The following SPTAN1 variants were observed in gnomAD, a reference collection of about 807,000 sequenced individuals.
SPTAN1 encodes the protein spectrin alpha chain, non-erythrocytic 1.
SPTAN1 carries 61 observed loss-of-function variants against 331.3 expected under a neutral mutation model. The observed-to-expected ratio is 0.18, with a 90% CI of 0.15 to 0.23. The LOEUF (loss-of-function observed/expected upper bound fraction) is 0.23, where lower values mean the gene tolerates loss of function less well. Ranked by LOEUF, SPTAN1 falls within the 10% of genes least tolerant of loss-of-function variation. SPTAN1 has a pLI of 1.00. For synonymous variants in SPTAN1, 1,153 were observed against 1,173.9 expected (o/e 0.98, Z 0.36); for missense variants, 2,043 against 3,147.9 (o/e 0.65, Z 8.40).
Position 128,583,936 on chromosome 9 carries a change from T to C in SPTAN1, c.2160T>C (p.His720=). The C allele has an allele frequency of 6.2e-7, 1 of 1,614,150 alleles. No individual in the cohort carries two copies. The highest frequency in any genetic ancestry group is 8.5e-7 in the Non-Finnish European group (1 of 1,180,018). ...LTNVQNLQKK[H]ALLEADVAAH... Reference sequence around the variant, plus strand: ...ATGTGCAGAACCTCCAGAAGAAACATGCACTGCTAGAGGCAGATGTGGCTG... The same window carrying C: ...ATGTGCAGAACCTCCAGAAGAAACACGCACTGCTAGAGGCAGATGTGGCTG... The change falls in exon 16 of 57, where the codon CAT becomes CAC. Residue 720 remains histidine (H), a synonymous_variant. Coordinates refer to ENST00000372739, the MANE Select transcript of SPTAN1 (RefSeq NM_001130438.3).
rs546248042 is a variant in SPTAN1 at position 128,626,322 on chromosome 9, C to T, written c.6280-69C>T. The T allele has an allele frequency of 2.9e-5, 46 of 1,586,436 alleles. No individual in the cohort carries two copies. In the African/African-American group the frequency reaches 4.8e-4, roughly 17 times the overall value. On this transcript the variant is annotated intron_variant, in intron 48 of 56. Transcript: ENST00000372739. ...TGATTCCCAGGAACCACCCCGCACC[C>T]CACCTCCTGCACTGCGTCGGCACGT...
In SPTAN1 at chr9:128,601,871, T is replaced by A. The variant is rs576136459; in HGVS notation, c.3580-1672T>A. On this transcript the variant is annotated intron_variant, in intron 27 of 56. Transcript: ENST00000372739. The stretch of plus-strand genomic sequence containing the variant: ...TGACTATTCTCCTCATTAAGTAGAT[T>A]TCTAACTGGGCCAGGCATGGGTATA... Among the ~76,000 whole-genome samples the A allele has an allele frequency of 4.6e-5, 7 of 152,270 alleles. No individual in the cohort carries two copies. In the South Asian group the frequency reaches 1.5e-3, roughly 32 times the overall value.
intron 1 of SPTAN1, among the ~76,000 whole-genome samples, chr9:128,564,845 T>G (rs1265252028): frequency 1.3e-5 from 2 of 152,150 alleles, no homozygotes; most frequent in East Asian, 3.9e-4. Context: ...AAAGGAAGCA[T>G]GTGCACATGG....
In SPTAN1 at chr9:128,617,664, A is replaced by G. The variant is rs1359210582; in HGVS notation, c.5382A>G (p.Ser1794=). 6.2e-7 allele frequency: 1 copy of G among 1,614,180 alleles called. No homozygotes were observed. Among genetic ancestry groups the G allele is most frequent in the Non-Finnish European group, 8.5e-7 (1 of 1,180,012 alleles). ...WIKEKKLLVG[S]EDYGRDLTGV... ...GGGAGAAGAAGCTGCTGGTGGGCTC[A>G]GAGGACTACGGCCGGGACCTAACCG... The change falls in exon 42 of 57, where the codon TCA becomes TCG. Residue 1794 remains serine, a synonymous_variant. Coordinates refer to ENST00000372739, the MANE Select transcript of SPTAN1 (RefSeq NM_001130438.3).
In SPTAN1 at chr9:128,617,555, G is replaced by T. The variant is rs1005222396; in HGVS notation, c.5358-85G>T. On this transcript the variant is annotated intron_variant, in intron 41 of 56. Transcript: ENST00000372739. ...TTCCCAGAAAGATTAGTAGATGTCT[G>T]TGAGGTCCACAGTTGACCTGATGTC... 2.8e-5 allele frequency: 44 copies of T among 1,596,372 alleles called. No homozygotes were observed. In the South Asian group the frequency reaches 4.3e-4, roughly 16 times the overall value.
rs372157740 is a variant in SPTAN1 at position 128,578,117 on chromosome 9, C to T, written c.1093C>T (p.Arg365Cys). 3.7e-6 allele frequency: 6 copies of T among 1,614,176 alleles called. No individual in the cohort carries two copies. Among genetic ancestry groups the T allele is most frequent in the East Asian group, 2.2e-5 (1 of 44,882 alleles). The change falls in exon 9 of 57, where the codon CGC becomes TGC. Residue 365 changes from arginine (R) to cysteine (C), a missense_variant. Arg to Cys is a radical substitution (Grantham distance 180, BLOSUM62 -3). This residue lies in a region of SPTAN1 where 1,038 missense variants were observed against 1,531.5 expected (regional missense o/e 0.68). Coordinates refer to ENST00000372739, the MANE Select transcript of SPTAN1 (RefSeq NM_001130438.3). ...ARLNDSYRLQ[R>C]FLADFRDLTS... ...TCCTTTGGTTTTCCCTAGGCTTCAA[C>T]GCTTCCTTGCTGACTTCCGTGACCT...
At position 128,632,931 on chromosome 9, in the gene SPTAN1, C is replaced by T. The variant is rs201348505; in HGVS notation, c.7284C>T (p.Tyr2428=). 9.6e-5 allele frequency: 155 copies of T among 1,613,152 alleles called. No individual in the cohort carries two copies. The highest frequency in any genetic ancestry group is 8.3e-5 in the Admixed American group (5 of 60,022). The change falls in exon 56 of 57, where the codon TAC becomes TAT. Residue 2428 remains tyrosine, a synonymous_variant. Transcript: ENST00000372739. ...CCCTCAGCTCAGAGGGAAAGCCTTA[C>T]GTGACCAAGGAGGAGCTCTACCAGG... The part of the protein sequence containing the change: ...FRALSSEGKP[Y]VTKEELYQNL...
intron 39 of SPTAN1, 25 bp downstream of exon 39, chr9:128,612,271 T>C (rs755941670): frequency 1.2e-6 from 2 of 1,614,114 alleles, no homozygotes; most frequent in Admixed American, 3.3e-5. Context: ...TTCCTCTTCC[T>C]ACCAGTGGGG....
chr9:128,574,904 C>A, intron 4 of SPTAN1, 89 bp downstream of exon 4: 1 of 1,582,114 alleles, frequency 6.3e-7, no homozygotes, highest in Non-Finnish European at 8.7e-7. Context: ...CCAGTGTTAG[C>A]ACAGATACGG....
At chr9:128,623,598 G>T (rs933122778) in intron 45 of SPTAN1, among the ~76,000 whole-genome samples, 3 of 148,990 alleles carry the variant, frequency 2.0e-5, no homozygotes, top group Admixed American at 6.7e-5. Flanking sequence ...TGGGATTACA[G>T]ATGAGTGCCA....
In SPTAN1 at chr9:128,626,478, G is replaced by A; in HGVS notation, c.6367G>A (p.Val2123Met). 2 of 1,614,150 alleles carry A rather than the reference G, an allele frequency of 1.2e-6. No individual in the cohort carries two copies. Among genetic ancestry groups the A allele is most frequent in the Non-Finnish European group, 1.7e-6 (2 of 1,180,032 alleles). ...TGCAGAGGAGGACTTAACAGACCCC[G>A]TGCGCTGCAACTCCTTGGAAGAAAT... The part of the protein sequence containing the change: ...ENAEEDLTDP[V>M]RCNSLEEIKA... The change falls in exon 49 of 57, where the codon GTG (valine) becomes ATG (methionine). Residue 2123 changes from valine (V) to methionine (M), a missense_variant. Transcript: ENST00000372739.
At chr9:128,561,662 CA>C (rs762156669) in intron 1 of SPTAN1, among the ~76,000 whole-genome samples, 217 of 15,954 alleles carry the variant, frequency 0.014, 1 homozygote, top group African/African-American at 0.029. Flanking sequence ...GACTCCGTCT[CA>C]AAAAAAAAAA....
In SPTAN1 at chr9:128,552,686, C is replaced by G. The variant is rs948646228; in HGVS notation, c.-14C>G. 6.6e-6 allele frequency: 1 copy of G among 152,070 alleles called. No individual in the cohort carries two copies. The highest frequency in any genetic ancestry group is 6.5e-5 in the Admixed American group (1 of 15,272). The allele number at this position is 152,070 out of a possible 1,614,324, so 9.4% of individuals were successfully genotyped here. On this transcript the variant is annotated 5_prime_UTR_variant, in exon 1 of 57. Coordinates refer to ENST00000372739, the MANE Select transcript of SPTAN1 (RefSeq NM_001130438.3). The surrounding 1 kb of genome is among the most constrained non-coding windows in gnomAD (Gnocchi z 4.6). ...CCCGACGCACCCACGCCCCTCACCCCCCGAGAGCCGGTGAGAGGGGCAGCC... is the reference window on the plus strand; with the variant it reads ...CCCGACGCACCCACGCCCCTCACCCGCCGAGAGCCGGTGAGAGGGGCAGCC...
chr9:128,565,829 T>C (rs1412449531), intron 1 of SPTAN1, among the ~76,000 whole-genome samples: 2 of 152,222 alleles, frequency 1.3e-5, no homozygotes, highest in Non-Finnish European at 2.9e-5. Flanking sequence ...TTATCTGTTC[T>C]GCTTCCTTAG....
chr9:128,611,582 C>A, intron 37 of SPTAN1, 132 bp from the exon 38 acceptor site: 3 of 1,009,574 alleles, frequency 3.0e-6, no homozygotes, highest in Non-Finnish European at 4.5e-6. Context: ...CAATTGCCTT[C>A]TGTTAAAAAC....
Position 128,624,374 on chromosome 9 carries a change from A to G in SPTAN1, c.5879A>G (p.Asn1960Ser), listed in dbSNP as rs757881199. The G allele has an allele frequency of 6.2e-7, 1 of 1,614,048 alleles. No homozygotes were observed. ...ATCTCTTCAAAGATGAAGGGCCTGA[A>G]CGGGAAAGTGTCAGACCTGGAGAAA... Reference protein sequence around the residue: ...ENISSKMKGLNGKVSDLEKAA... With the variant: ...ENISSKMKGLSGKVSDLEKAA... The change falls in exon 46 of 57, where the codon AAC becomes AGC. Residue 1960 changes from asparagine (N) to serine (S), a missense_variant. Coordinates refer to ENST00000372739, the MANE Select transcript of SPTAN1 (RefSeq NM_001130438.3).
At position 128,568,856 on chromosome 9, in the gene SPTAN1, C is replaced by G. The variant is rs2130860508; in HGVS notation, c.322C>G (p.Leu108Val). The change falls in exon 3 of 57, where the codon CTG becomes GTG. Residue 108 changes from leucine (L) to valine (V), a missense_variant. Leu to Val is a conservative substitution (Grantham distance 32). This residue lies in a region of SPTAN1 where 1,038 missense variants were observed against 1,531.5 expected (regional missense o/e 0.68). Coordinates refer to ENST00000372739, the MANE Select transcript of SPTAN1 (RefSeq NM_001130438.3). Reference protein sequence around the residue: ...AIVKLDETGNLMISEGHFASE... With the variant: ...AIVKLDETGNVMISEGHFASE... Reference sequence around the variant, plus strand: ...TGTTAAGCTGGATGAAACTGGAAACCTGATGATCTCAGAAGGGCATTTTGC... The same window carrying G: ...TGTTAAGCTGGATGAAACTGGAAACGTGATGATCTCAGAAGGGCATTTTGC... 2 of 1,614,152 alleles carry G rather than the reference C, an allele frequency of 1.2e-6. No homozygotes were observed. The highest frequency in any genetic ancestry group is 1.7e-6 in the Non-Finnish European group (2 of 1,180,022).
chr9:128,597,159 C>T (rs1416276712), intron 24 of SPTAN1, among the ~76,000 whole-genome samples: 1 of 151,820 alleles, frequency 6.6e-6, no homozygotes, highest in Non-Finnish European at 1.5e-5. Flanking sequence ...GACTGAGTCT[C>T]ATTAGAGAAA....
Position 128,595,069 on chromosome 9 carries a change from C to T in SPTAN1, c.3414+696C>T, listed in dbSNP as rs377221007. On this transcript the variant is annotated intron_variant, in intron 24 of 56. Transcript: ENST00000372739. ...AGGTGATCCGCCTGCCTCAGCCTCC[C>T]AAAGTACTGGGATAACAGGCGTAAG... Among the ~76,000 whole-genome samples the T allele has an allele frequency of 2.4e-4, 37 of 151,910 alleles. 1 individual carries two copies. In the East Asian group the frequency reaches 7.0e-3, roughly 29 times the overall value.
Sources: gnomAD v4.1 joint callset for allele counts (sites outside exome capture counted in the v4.1 genomes callset) on GRCh38, gnomAD v4.1.1 for gene constraint, gnomAD v4.1.1 regional missense constraint, Gnocchi (gnomAD v3.1) non-coding constraint, MANE v1.5 for transcripts, NCBI Gene and HGNC (gene_info 2026-07-23, HGNC 2026-07-21) for gene names.